The following PTPRN2 variants were observed in gnomAD, a reference collection of about 807,000 sequenced individuals.
PTPRN2 encodes the protein protein tyrosine phosphatase receptor type N2, also known as receptor-type tyrosine-protein phosphatase N2.
A neutral mutation model predicts 118.8 loss-of-function variants in PTPRN2; 74 were observed. That is an observed-to-expected ratio of 0.62 (90% CI 0.52 to 0.76). The LOEUF is 0.76. PTPRN2 is among the 30% of genes least tolerant of loss of function. PTPRN2 has a pLI of 0.00. For synonymous variants in PTPRN2, 641 were observed against 608.0 expected (o/e 1.05, Z -0.80); for missense variants, 1,481 against 1,394.4 (o/e 1.06, Z -0.99).
At position 158,051,257 on chromosome 7, in the gene PTPRN2, C is replaced by T. The variant is rs531323340; in HGVS notation, c.1723+30041G>A. The stretch of plus-strand genomic sequence containing the variant: ...TCTGGACCAGCTTGCTGAGGGGAGA[C>T]GGCACAGTGCAGAGAGAGGAAACTG... On this transcript the variant is annotated intron_variant, in intron 11 of 22. Coordinates refer to ENST00000389418, the MANE Select transcript of PTPRN2 (RefSeq NM_002847.5). 4.6e-5 allele frequency among the ~76,000 whole-genome samples: 7 copies of T among 152,128 alleles called. No homozygotes were observed. The East Asian group carries it at 7.7e-4, about 17-fold the overall frequency.
At chr7:158,217,657 G>T (rs1165233628) in intron 3 of PTPRN2, among the ~76,000 whole-genome samples, 4 of 152,194 alleles carry the variant, frequency 2.6e-5, no homozygotes, top group Non-Finnish European at 5.9e-5. Context: ...AGATGGCAAG[G>T]AAGCTCAATG....
In PTPRN2 at chr7:157,861,063, G is replaced by T. The variant is rs1810197398; in HGVS notation, c.1788+37610C>A. Among the ~76,000 whole-genome samples, 1 of 152,186 alleles carries T rather than the reference G, an allele frequency of 6.6e-6. No individual in the cohort carries two copies. The highest frequency in any genetic ancestry group is 1.5e-5 in the Non-Finnish European group (1 of 68,034). Reference sequence around the variant, plus strand: ...GGGTGACCTTCTCTTTCTTGTGGGGGTTGGAAGAGGAACCCCACGGCACAG... The same window carrying T: ...GGGTGACCTTCTCTTTCTTGTGGGGTTTGGAAGAGGAACCCCACGGCACAG... On this transcript the variant is annotated intron_variant, in intron 12 of 22. Coordinates refer to ENST00000389418, the MANE Select transcript of PTPRN2 (RefSeq NM_002847.5). The surrounding 1 kb of genome is among the most constrained non-coding windows in gnomAD (Gnocchi z 5.8).
chr7:157,681,570 G>A (rs970846803), intron 13 of PTPRN2, among the ~76,000 whole-genome samples: 4 of 152,306 alleles, frequency 2.6e-5, no homozygotes, highest in African/African-American at 4.8e-5. Flanking sequence ...ATTTTGAAAT[G>A]GGAGGAAAAG....
In PTPRN2 at chr7:157,764,072, AAC is replaced by A. The variant is rs900359942; in HGVS notation, c.1789-81137_1789-81136del. 3.3e-5 allele frequency among the ~76,000 whole-genome samples: 5 copies of A among 152,074 alleles called. No individual in the cohort carries two copies. Among genetic ancestry groups the A allele is most frequent in the Admixed American group, 6.6e-5 (1 of 15,266 alleles). ...GCACCCTCTAGGATGGCCGTAACTA[AAC>A]ACACACACACAACAAAAACGTGCTG... On this transcript the variant is annotated intron_variant, in intron 12 of 22. Transcript: ENST00000389418. This position sits in a 1 kb window ranked among gnomAD's most constrained non-coding sequence, Gnocchi z 4.5.
intron 6 of PTPRN2, among the ~76,000 whole-genome samples, chr7:158,160,702 C>T (rs1822281184): frequency 6.6e-6 from 1 of 152,180 alleles, no homozygotes; most frequent in Non-Finnish European, 1.5e-5. Flanking sequence ...CAGCTGGGTG[C>T]ACACAATTAC....
chr7:158,407,222 G>A (rs1563254604), intron 2 of PTPRN2, among the ~76,000 whole-genome samples: 3 of 34,716 alleles, frequency 8.6e-5, no homozygotes, highest in East Asian at 9.7e-4. Context: ...TGCGTCCTGC[G>A]TCCTGGGTCC....
intron 14 of PTPRN2, 94 bp downstream of exon 14, chr7:157,656,263 C>T (rs1035429261): frequency 1.8e-5 from 24 of 1,325,166 alleles, no homozygotes; most frequent in Admixed American, 8.8e-5. Flanking sequence ...GCCCAGTCCC[C>T]GAGGGTCAGC....
intron 11 of PTPRN2, among the ~76,000 whole-genome samples, chr7:158,064,711 G>T (rs1238250070): frequency 6.6e-6 from 1 of 152,160 alleles, no homozygotes; most frequent in Non-Finnish European, 1.5e-5. Context: ...GAAGCTGACT[G>T]GTGGGGGGGA....
chr7:158,420,776 C>T (rs540392370), intron 2 of PTPRN2, among the ~76,000 whole-genome samples: 45 of 152,288 alleles, frequency 3.0e-4, no homozygotes, highest in Admixed American at 1.8e-3. Context: ...CTCCCTTCTC[C>T]GGCCACATTT....
chr7:157,765,261 C>T (rs1197591876), intron 12 of PTPRN2, among the ~76,000 whole-genome samples: 3 of 148,952 alleles, frequency 2.0e-5, no homozygotes, highest in African/African-American at 7.4e-5. Context: ...TGTCATTCAT[C>T]ATCCATTCTT....
rs78187854 is a variant in PTPRN2 at position 157,774,452 on chromosome 7, C to T, written c.1789-91515G>A. ...GCGAGGGTTTAGAAGGGATAAACCACGTCAATATTATTCTTCCCAACCAAG... is the reference window on the plus strand; with the variant it reads ...GCGAGGGTTTAGAAGGGATAAACCATGTCAATATTATTCTTCCCAACCAAG... On this transcript the variant is annotated intron_variant, in intron 12 of 22. Coordinates refer to ENST00000389418, the MANE Select transcript of PTPRN2 (RefSeq NM_002847.5). Among the ~76,000 whole-genome samples the T allele has an allele frequency of 6.4e-3, 968 of 152,310 alleles. 11 individuals are homozygous for T. The highest frequency in any genetic ancestry group is 0.022 in the African/African-American group (928 of 41,572).
intron 2 of PTPRN2, among the ~76,000 whole-genome samples, chr7:158,395,253 G>C (rs13242076): frequency 0.13 from 19,818 of 147,766 alleles, 1,484 homozygotes; most frequent in Non-Finnish European, 0.16. Flanking sequence ...CCCCGTGCGG[G>C]CACCTGCGCC....
At chr7:158,522,733 G>C (rs558375607) in intron 1 of PTPRN2, among the ~76,000 whole-genome samples, 1 of 152,200 alleles carries the variant, frequency 6.6e-6, no homozygotes, top group South Asian at 2.1e-4. Flanking sequence ...CAGCCCAGGG[G>C]TTGGCACAGT....
chr7:158,441,103 T>C (rs974380595), intron 2 of PTPRN2, among the ~76,000 whole-genome samples: 56 of 149,710 alleles, frequency 3.7e-4, no homozygotes, highest in Non-Finnish European at 6.8e-4. Flanking sequence ...ATAGGGGTGG[T>C]AGTGATGGTG....
intron 2 of PTPRN2, among the ~76,000 whole-genome samples, chr7:158,375,510 T>C (rs535777277): frequency 1.8e-4 from 27 of 152,302 alleles, no homozygotes; most frequent in African/African-American, 5.8e-4. Flanking sequence ...CAGTTTTCCC[T>C]GAGAAAAGCA....
chr7:158,381,124 A>C (rs13312649), intron 2 of PTPRN2, among the ~76,000 whole-genome samples: 4,474 of 152,284 alleles, frequency 0.029, 102 homozygotes, highest in Non-Finnish European at 0.042. Flanking sequence ...TGCCCTGGAG[A>C]CATTTTCCCT....
At chr7:157,565,651 A>C (rs1046396807) in intron 21 of PTPRN2, among the ~76,000 whole-genome samples, 1 of 152,242 alleles carries the variant, frequency 6.6e-6, no homozygotes, top group African/African-American at 2.4e-5. Flanking sequence ...GTACCCCCTC[A>C]GTGCTGGTTG....
Position 157,591,868 on chromosome 7 carries a change from A to G in PTPRN2, c.2496+3370T>C, listed in dbSNP as rs1801001807. On this transcript the variant is annotated intron_variant, in intron 17 of 22. Coordinates refer to ENST00000389418, the MANE Select transcript of PTPRN2 (RefSeq NM_002847.5). This position sits in a 1 kb window ranked among gnomAD's most constrained non-coding sequence, Gnocchi z 4.4. ...ATCCCCAGGTTGAAGGATGACGTGG[A>G]AGCAATGACGTCGTGGTCAGGGACG... Among the ~76,000 whole-genome samples, 1 of 152,206 alleles carries G rather than the reference A, an allele frequency of 6.6e-6. No homozygotes were observed. The highest frequency in any genetic ancestry group is 1.5e-5 in the Non-Finnish European group (1 of 68,042).
chr7:158,200,680 CAA>C (rs1195594308), intron 4 of PTPRN2, among the ~76,000 whole-genome samples: 2 of 152,012 alleles, frequency 1.3e-5, no homozygotes, highest in African/African-American at 4.8e-5. Context: ...TCAAAATTAC[CAA>C]AGAGTAAAAG....
Sources: allele counts gnomAD v4.1 joint callset (sites outside exome capture counted in the v4.1 genomes callset), GRCh38; gene constraint gnomAD v4.1.1; non-coding constraint Gnocchi (gnomAD v3.1); transcripts MANE v1.5; gene names NCBI Gene and HGNC (gene_info 2026-07-23, HGNC 2026-07-21).